The following ZC3H12B variants were observed in gnomAD, a reference collection of about 807,000 sequenced individuals.
ZC3H12B encodes zinc finger CCCH-type containing 12B, also known as probable ribonuclease ZC3H12B.
In ZC3H12B, 7 loss-of-function variants were observed where a neutral mutation model predicts 43.9. The observed-to-expected ratio is 0.16, with a 90% confidence interval of 0.09 to 0.30. ZC3H12B has a LOEUF of 0.30. Ranked by LOEUF, ZC3H12B falls within the 10% of genes least tolerant of loss-of-function variation. The pLI, the probability that ZC3H12B is intolerant of heterozygous loss-of-function variation, is 1.00. For synonymous variants in ZC3H12B, 222 were observed against 241.7 expected (o/e 0.92, Z 0.76); for missense variants, 475 against 670.2 (o/e 0.71, Z 3.22).
chrX:65,100,269 C>T, the ZC3H12B span, among the ~76,000 whole-genome samples: 1 of 110,176 alleles, frequency 9.1e-6, no homozygotes, highest in African/African-American at 3.3e-5. Flanking sequence ...ATTGGGGTCA[C>T]TGAAAGTGAT....
In ZC3H12B at chrX:65,437,516, A is replaced by G. The variant is rs892125612; in HGVS notation, n.407+38812A>G. On this transcript the variant is annotated intron_variant and non_coding_transcript_variant, in intron 3 of 5. Coordinates refer to the ZC3H12B transcript ENST00000617377. Reference sequence around the variant, plus strand: ...CTTCAATAATGTCAAGCACATTTTCATATGTCTGTTTGGCATTTGTATGTC... The same window carrying G: ...CTTCAATAATGTCAAGCACATTTTCGTATGTCTGTTTGGCATTTGTATGTC... Among the ~76,000 whole-genome samples the G allele has an allele frequency of 1.9e-4, 21 of 112,357 alleles. 1 individual carries two copies. The Admixed American group carries it at 2.0e-3, about 11-fold the overall frequency.
At chrX:65,155,168 G>T in the ZC3H12B span, among the ~76,000 whole-genome samples, 22 of 110,139 alleles carry the variant, frequency 2.0e-4, no homozygotes, top group Non-Finnish European at 2.5e-4. Flanking sequence ...ATGTTGCCCA[G>T]ACTGGTCTTG....
intron 3 of ZC3H12B, among the ~76,000 whole-genome samples, chrX:65,416,735 G>A (rs970768396): frequency 9.3e-6 from 1 of 107,662 alleles, no homozygotes; most frequent in Non-Finnish European, 1.9e-5. Context: ...CTTGCAGTGA[G>A]CCGAGATCCC....
chrX:65,459,188 C>T lies in ZC3H12B; in HGVS notation n.408-29458C>T, dbSNP rs183492630. ...AAGTTGAATCTGAATAGACCAATAA[C>T]AGGCTCTGAAATTGAGGCAATAATT... On this transcript the variant is annotated intron_variant and non_coding_transcript_variant, in intron 3 of 5. Transcript: ENST00000617377. 9.8e-5 allele frequency among the ~76,000 whole-genome samples: 11 copies of T among 111,960 alleles called. No homozygotes were observed. In the East Asian group the frequency reaches 2.8e-3, roughly 28 times the overall value.
At chrX:65,121,159 C>T in the ZC3H12B span, among the ~76,000 whole-genome samples, 25 of 111,431 alleles carry the variant, frequency 2.2e-4, no homozygotes, top group African/African-American at 7.5e-4. Context: ...ATGATGCTGG[C>T]CTCATAAAAT....
At chrX:65,231,440 A>T in the ZC3H12B span, among the ~76,000 whole-genome samples, 1 of 111,257 alleles carries the variant, frequency 9.0e-6, no homozygotes. Context: ...TCCTAGTCCT[A>T]GTAAGCCTGA....
At chrX:65,116,692 T>A in the ZC3H12B span, among the ~76,000 whole-genome samples, 1 of 110,471 alleles carries the variant, frequency 9.1e-6, no homozygotes, top group East Asian at 2.9e-4. Context: ...ATTAGGTATA[T>A]CTCCTAATGC....
chrX:65,228,726 T>C, the ZC3H12B span, among the ~76,000 whole-genome samples: 1 of 111,847 alleles, frequency 8.9e-6, no homozygotes, highest in African/African-American at 3.3e-5. Context: ...ACAAGCATTC[T>C]TATACACCAA....
At chrX:65,311,201 G>A in the ZC3H12B span, among the ~76,000 whole-genome samples, 1 of 111,751 alleles carries the variant, frequency 8.9e-6, no homozygotes, top group Non-Finnish European at 1.9e-5. Context: ...CCATTAGAGT[G>A]AACAGGCAAC....
At chrX:65,406,459 A>T in intron 3 of ZC3H12B, among the ~76,000 whole-genome samples, 1 of 98,672 alleles carries the variant, frequency 1.0e-5, no homozygotes, top group African/African-American at 3.6e-5. Flanking sequence ...TTCATGATTA[A>T]AAAAAAAAAA....
the ZC3H12B span, among the ~76,000 whole-genome samples, chrX:65,326,254 G>A: frequency 9.0e-6 from 1 of 111,669 alleles, no homozygotes; most frequent in Non-Finnish European, 1.9e-5. Flanking sequence ...GAAAATATTT[G>A]AAAGCCATAT....
At chrX:65,202,193 A>C in the ZC3H12B span, among the ~76,000 whole-genome samples, 67 of 75,258 alleles carry the variant, frequency 8.9e-4, no homozygotes, top group African/African-American at 0.011. Context: ...TATATATTAT[A>C]TATAATATAT....
chrX:65,238,460 C>T, the ZC3H12B span, among the ~76,000 whole-genome samples: 3 of 109,542 alleles, frequency 2.7e-5, no homozygotes, highest in East Asian at 5.6e-4. Context: ...ATCATTTTTG[C>T]TTGTGGCTAT....
the ZC3H12B span, among the ~76,000 whole-genome samples, chrX:65,119,225 A>G: frequency 1.8e-5 from 2 of 111,601 alleles, no homozygotes; most frequent in South Asian, 3.8e-4. Context: ...GAATCGCCAC[A>G]CTGACTTCCA....
the ZC3H12B span, among the ~76,000 whole-genome samples, chrX:65,358,085 C>A: frequency 9.2e-6 from 1 of 108,569 alleles, no homozygotes; most frequent in Non-Finnish European, 1.9e-5. Context: ...CAACAAAGAT[C>A]AAAAAAGACA....
intron 3 of ZC3H12B, among the ~76,000 whole-genome samples, chrX:65,454,332 A>C (rs1008204114): frequency 1.8e-5 from 2 of 112,383 alleles, no homozygotes; most frequent in East Asian, 5.6e-4. Flanking sequence ...AGGAGATTAT[A>C]TCCCACGCCT....
At chrX:65,351,654 A>G in the ZC3H12B span, among the ~76,000 whole-genome samples, 10 of 112,813 alleles carry the variant, frequency 8.9e-5, no homozygotes, top group East Asian at 5.5e-4. Context: ...AAAGTGGGTG[A>G]AGGATATGAA....
intron 3 of ZC3H12B, among the ~76,000 whole-genome samples, chrX:65,421,553 C>T (rs1425638784): frequency 8.9e-6 from 1 of 112,489 alleles, no homozygotes; most frequent in Non-Finnish European, 1.9e-5. Flanking sequence ...CTTCCCTACA[C>T]TCAATGCTAC....
At chrX:65,144,171 C>G in the ZC3H12B span, among the ~76,000 whole-genome samples, 3 of 111,529 alleles carry the variant, frequency 2.7e-5, no homozygotes, top group Admixed American at 1.9e-4. Context: ...CAATTTCAAT[C>G]TCACTGCTTT....
Sources: gnomAD v4.1 joint callset for allele counts (sites outside exome capture counted in the v4.1 genomes callset) on GRCh38, gnomAD v4.1.1 for gene constraint, MANE v1.5 for transcripts, NCBI Gene and HGNC (gene_info 2026-07-23, HGNC 2026-07-21) for gene names.